Variants in GULP1 observed in about 807,000 individuals in gnomAD.
The protein encoded by GULP1 is GULP PTB domain containing engulfment adaptor 1.
A neutral mutation model predicts 40.9 loss-of-function variants in GULP1; 19 were observed. The ratio of observed to expected loss-of-function variants is 0.46; its 90% confidence interval spans 0.32 to 0.68. The LOEUF (loss-of-function observed/expected upper bound fraction) is 0.68, where lower values mean the gene tolerates loss of function less well. GULP1 is among the 30% of genes least tolerant of loss of function. The probability of loss-of-function intolerance (pLI) is 0.03; values close to 1 mark genes in which losing one functional copy is unlikely to be tolerated. For synonymous variants in GULP1, 119 were observed against 117.6 expected, an observed-to-expected ratio of 1.01 and a Z score of -0.08; for missense variants, 312 against 362.2, an observed-to-expected ratio of 0.86 and a Z score of 1.12.
intron 2 of GULP1, among the ~76,000 whole-genome samples, chr2:188,435,142 C>T (rs962649903): frequency 3.9e-5 from 6 of 151,978 alleles, no homozygotes; most frequent in African/African-American, 9.7e-5. Flanking sequence ...TCTTTAATCA[C>T]TCTTATTCCA....
chr2:188,485,332 A>C (rs1372106045), intron 4 of GULP1, among the ~76,000 whole-genome samples: 1 of 152,056 alleles, frequency 6.6e-6, no homozygotes, highest in African/African-American at 2.4e-5. Flanking sequence ...AGGGTGCAAA[A>C]ACATCTTCCC....
At chr2:188,490,843 ACC>A (rs573244131) in intron 4 of GULP1, among the ~76,000 whole-genome samples, 109 of 152,180 alleles carry the variant, frequency 7.2e-4, no homozygotes, top group African/African-American at 2.5e-3. Flanking sequence ...TTACTGTGTC[ACC>A]CAGGCTGAAA....
intron 10 of GULP1, among the ~76,000 whole-genome samples, chr2:188,587,202 A>G (rs1268770096): frequency 6.6e-6 from 1 of 152,106 alleles, no homozygotes; most frequent in East Asian, 1.9e-4. Context: ...AAAGTAGTGC[A>G]TACTTTAGAA....
At chr2:188,549,185 A>G (rs1692789740) in intron 7 of GULP1, among the ~76,000 whole-genome samples, 1 of 151,928 alleles carries the variant, frequency 6.6e-6, no homozygotes. Context: ...ATCATAAAGT[A>G]AAATATCTGT....
At chr2:188,579,154 G>A (rs199721001) in intron 9 of GULP1, among the ~76,000 whole-genome samples, 2 of 152,096 alleles carry the variant, frequency 1.3e-5, no homozygotes, top group Non-Finnish European at 2.9e-5. Context: ...TCTAGGTTAG[G>A]AATCAAAAAC....
intron 2 of GULP1, among the ~76,000 whole-genome samples, chr2:188,437,929 G>A (rs2057564448): frequency 1.3e-5 from 2 of 152,054 alleles, no homozygotes; most frequent in Admixed American, 6.6e-5. Context: ...TGAGGGTAGA[G>A]AGTGGGAAGA....
chr2:188,374,173 C>A (rs10190081), intron 1 of GULP1, among the ~76,000 whole-genome samples: 71 of 152,046 alleles, frequency 4.7e-4, no homozygotes, highest in African/African-American at 1.7e-3. Context: ...TTTAAAACAC[C>A]AAAAGAGTAT....
intron 1 of GULP1, among the ~76,000 whole-genome samples, chr2:188,320,521 C>T (rs899810079): frequency 5.9e-5 from 9 of 151,964 alleles, no homozygotes; most frequent in African/African-American, 9.7e-5. Context: ...TATGTCCTGA[C>T]AAAAGTTTAT....
intron 2 of GULP1, among the ~76,000 whole-genome samples, chr2:188,470,763 T>C (rs13408262): frequency 0.016 from 2,408 of 152,300 alleles, 66 homozygotes; most frequent in African/African-American, 0.054. Flanking sequence ...TATTCAGTTT[T>C]GGTCAGAGAA....
At chr2:188,294,497 T>C (rs1401376233) in intron 1 of GULP1, 1 of 152,058 alleles carries the variant, frequency 6.6e-6, no homozygotes, top group Non-Finnish European at 1.5e-5. Context: ...CTTCTTTGTG[T>C]ATTAAAGTTG....
chr2:188,580,477 C>T (rs886653420), intron 9 of GULP1, among the ~76,000 whole-genome samples: 1 of 149,562 alleles, frequency 6.7e-6, no homozygotes, highest in Non-Finnish European at 1.5e-5. Context: ...GGCGTGAACC[C>T]GGGAGGCGGA....
At chr2:188,588,407 T>A (rs186520267) in intron 11 of GULP1, 1 of 162,084 alleles carries the variant, frequency 6.2e-6, no homozygotes, top group East Asian at 1.8e-4. Flanking sequence ...GGGCTTTTAT[T>A]TAAAAAGCAA....
At chr2:188,582,406 T>C (rs546158822) in intron 9 of GULP1, 53 of 471,628 alleles carry the variant, frequency 1.1e-4, no homozygotes, top group African/African-American at 1.0e-3. Flanking sequence ...CTTTCTGGCG[T>C]AGTAATGGTG....
At chr2:188,445,245 G>A (rs538928095) in intron 2 of GULP1, among the ~76,000 whole-genome samples, 8 of 151,816 alleles carry the variant, frequency 5.3e-5, no homozygotes, top group African/African-American at 1.9e-4. Flanking sequence ...ATCTATCTAG[G>A]TCCCTAGATA....
At chr2:188,494,955 C>T (rs1444082667) in intron 4 of GULP1, among the ~76,000 whole-genome samples, 1 of 151,956 alleles carries the variant, frequency 6.6e-6, no homozygotes, top group Admixed American at 6.6e-5. Flanking sequence ...TACCTGATAC[C>T]ACAGTCCTCT....
intron 4 of GULP1, among the ~76,000 whole-genome samples, chr2:188,492,852 GT>G (rs1414241697): frequency 6.6e-6 from 1 of 151,966 alleles, no homozygotes; most frequent in East Asian, 1.9e-4. Flanking sequence ...GCATCATCGT[GT>G]TTTTCCTTAA....
At chr2:188,449,967 CA>C (rs1410279981) in intron 2 of GULP1, among the ~76,000 whole-genome samples, 2 of 152,148 alleles carry the variant, frequency 1.3e-5, no homozygotes, top group Non-Finnish European at 2.9e-5. Context: ...TCTTCTCTTT[CA>C]GTAGTACACA....
At chr2:188,524,734 TAAAAAAA>T (rs34980657) in intron 5 of GULP1, among the ~76,000 whole-genome samples, 1 of 149,442 alleles carries the variant, frequency 6.7e-6, no homozygotes, top group African/African-American at 2.4e-5. Context: ...GTGGCTCTAC[TAAAAAAA>T]AAGAGAAAAA....
chr2:188,340,258 T>A (rs2042784638), intron 1 of GULP1, among the ~76,000 whole-genome samples: 1 of 152,154 alleles, frequency 6.6e-6, no homozygotes, highest in Non-Finnish European at 1.5e-5. Flanking sequence ...TACCTGAGAC[T>A]GGGTAATTTA....
Sources: allele counts gnomAD v4.1 joint callset (sites outside exome capture counted in the v4.1 genomes callset), GRCh38; gene constraint gnomAD v4.1.1; transcripts MANE v1.5; gene names NCBI Gene and HGNC (gene_info 2026-07-23, HGNC 2026-07-21).